Variants in ZNF75D observed in about 807,000 individuals in gnomAD.
ZNF75D encodes zinc finger protein 75D.
In ZNF75D, 33 loss-of-function variants were observed where a neutral mutation model predicts 33.3. The ratio of observed to expected loss-of-function variants is 0.99; its 90% CI spans 0.75 to 1.32. ZNF75D has a LOEUF of 1.32. ZNF75D is among the 40% of genes most tolerant of loss of function. ZNF75D has a pLI of 0.00. For missense variants in ZNF75D, 338 were observed against 367.5 expected (o/e 0.92, Z 0.66); for synonymous variants, 113 against 130.6 (o/e 0.87, Z 0.92).
rs1334334007 is a variant in ZNF75D at position 135,280,200 on chromosome X, T to A, written n.828-24423A>T. On this transcript the variant is annotated intron_variant and non_coding_transcript_variant, in intron 1 of 3. Coordinates refer to the ZNF75D transcript ENST00000494295. ...GGTGCATATATGTTTAGGATAGTTA[T>A]CTCTTCTTGTTGCATTGATCCCTTT... Among the ~76,000 whole-genome samples the A allele has an allele frequency of 3.6e-5, 4 of 112,130 alleles. No individual in the cohort carries two copies. In the Admixed American group the frequency reaches 3.8e-4, roughly 11 times the overall value.
chrX:135,265,165 G>C (rs2083858160), intron 1 of ZNF75D, among the ~76,000 whole-genome samples: 1 of 109,251 alleles, frequency 9.2e-6, no homozygotes, highest in Non-Finnish European at 1.9e-5. Flanking sequence ...GTTGCAGTGA[G>C]CTGAGTTCAC....
intron 1 of ZNF75D, among the ~76,000 whole-genome samples, chrX:135,300,556 G>A (rs1357994806): frequency 2.7e-5 from 3 of 110,734 alleles, no homozygotes; most frequent in Non-Finnish European, 5.7e-5. Flanking sequence ...GATCATCCTG[G>A]CTAACGTGGT....
At chrX:135,297,694 G>A in intron 1 of ZNF75D, 1 of 112,289 alleles carries the variant, frequency 8.9e-6, no homozygotes, top group Non-Finnish European at 1.9e-5. Flanking sequence ...GAAGGAAAAA[G>A]AGTTTCCAAA....
At chrX:135,311,956 T>G (rs1556428494) in intron 1 of ZNF75D, among the ~76,000 whole-genome samples, 1 of 111,914 alleles carries the variant, frequency 8.9e-6, no homozygotes, top group African/African-American at 3.3e-5. Context: ...GTATTTGGGG[T>G]GTCCATCTCT....
chrX:135,292,730 C>G (rs1556421638), intron 3 of ZNF75D, among the ~76,000 whole-genome samples: 1 of 112,612 alleles, frequency 8.9e-6, no homozygotes, highest in African/African-American at 3.2e-5. Context: ...CACCCAGATG[C>G]ACAGAGCCCT....
At chrX:135,264,483 G>T (rs1212959686) in intron 1 of ZNF75D, among the ~76,000 whole-genome samples, 1 of 111,750 alleles carries the variant, frequency 8.9e-6, no homozygotes, top group African/African-American at 3.3e-5. Flanking sequence ...CCTAGACACA[G>T]ATGAACATCT....
chrX:135,331,274 C>T (rs2084647940), intron 1 of ZNF75D, among the ~76,000 whole-genome samples: 1 of 110,568 alleles, frequency 9.0e-6, no homozygotes, highest in African/African-American at 3.3e-5. Context: ...AAGTAGAATC[C>T]CCAGGTGCAC....
At chrX:135,265,635 G>T (rs2083860350) in intron 1 of ZNF75D, among the ~76,000 whole-genome samples, 2 of 111,860 alleles carry the variant, frequency 1.8e-5, no homozygotes, top group Admixed American at 1.9e-4. Context: ...GCATGAAGAA[G>T]AAATAAAGAC....
chrX:135,328,700 C>G (rs1290124902), intron 1 of ZNF75D, among the ~76,000 whole-genome samples: 1 of 112,242 alleles, frequency 8.9e-6, no homozygotes, highest in African/African-American at 3.2e-5. Context: ...ATGTCTTCAC[C>G]TCTTCACTTT....
chrX:135,270,054 C>G (rs2083876774), intron 1 of ZNF75D, among the ~76,000 whole-genome samples: 1 of 109,069 alleles, frequency 9.2e-6, no homozygotes. Context: ...AACAATTGAA[C>G]TCATGGATAT....
intron 1 of ZNF75D, among the ~76,000 whole-genome samples, chrX:135,310,103 C>T (rs1383899929): frequency 2.7e-5 from 3 of 111,968 alleles, no homozygotes; most frequent in Non-Finnish European, 5.6e-5. Flanking sequence ...AAGAGCAGAC[C>T]AACAGCTGGG....
At chrX:135,257,969 C>A (rs1464250608) in intron 1 of ZNF75D, among the ~76,000 whole-genome samples, 11 of 108,717 alleles carry the variant, frequency 1.0e-4, no homozygotes, top group Non-Finnish European at 2.1e-4. Flanking sequence ...GGAGCCCCCC[C>A]ACCACCCAAC....
intron 1 of ZNF75D, among the ~76,000 whole-genome samples, chrX:135,272,837 A>C (rs1239392781): frequency 1.8e-5 from 2 of 111,514 alleles, no homozygotes; most frequent in African/African-American, 6.5e-5. Context: ...ACTTTACTTT[A>C]TTCTCTTCAT....
chrX:135,304,691 A>ACTGT (rs1556425436), intron 1 of ZNF75D, among the ~76,000 whole-genome samples: 1 of 112,574 alleles, frequency 8.9e-6, no homozygotes, highest in Non-Finnish European at 1.9e-5. Context: ...AGTTCCTACA[A>ACTGT]CCAGTTTCCA....
At chrX:135,323,166 G>A (rs782439765) in intron 1 of ZNF75D, among the ~76,000 whole-genome samples, 4 of 111,489 alleles carry the variant, frequency 3.6e-5, no homozygotes, top group Non-Finnish European at 7.5e-5. Context: ...ATACACTTTG[G>A]GAGGTCTTCC....
rs1556421563 is a variant in ZNF75D, at chrX:135,292,490, T to C, written c.412-17A>G. ...GGCTGTGACCTAGAAATAATCCCCA[T>C]CCTCATTAGCACAGAACTTACTTTT... On this transcript the variant is annotated splice_polypyrimidine_tract_variant and intron_variant, in intron 3 of 6. Coordinates refer to ENST00000370766, the MANE Select transcript of ZNF75D (RefSeq NM_007131.5). The C allele has an allele frequency of 2.5e-6, 3 of 1,204,691 alleles. No homozygotes were observed. Among genetic ancestry groups the C allele is most frequent in the South Asian group, 1.8e-5 (1 of 56,031 alleles).
At chrX:135,288,265 T>C (rs1251525047) in intron 6 of ZNF75D, among the ~76,000 whole-genome samples, 1 of 112,294 alleles carries the variant, frequency 8.9e-6, no homozygotes, top group African/African-American at 3.2e-5. Context: ...AAATAGAATA[T>C]GTGACTAGCG....
At chrX:135,317,896 T>C (rs1556432437) in intron 1 of ZNF75D, among the ~76,000 whole-genome samples, 1 of 109,338 alleles carries the variant, frequency 9.1e-6, no homozygotes. Flanking sequence ...GGCAGGATGC[T>C]TGGGTGGGCA....
chrX:135,313,650 T>C (rs1373736955), intron 1 of ZNF75D, among the ~76,000 whole-genome samples: 1 of 112,006 alleles, frequency 8.9e-6, no homozygotes, highest in Admixed American at 9.4e-5. Flanking sequence ...TCCTCTTCAA[T>C]TTCCTTCATC....
Sources: allele counts gnomAD v4.1 joint callset (sites outside exome capture counted in the v4.1 genomes callset), GRCh38; gene constraint gnomAD v4.1.1; transcripts MANE v1.5; gene names NCBI Gene and HGNC (gene_info 2026-07-23, HGNC 2026-07-21).